The following RBMS3 variants were observed in gnomAD, a reference collection of about 807,000 sequenced individuals.
RBMS3 encodes the protein RNA-binding motif, single-stranded-interacting protein 3.
In RBMS3, 27 loss-of-function variants were observed where a neutral mutation model predicts 66.8. The ratio of observed to expected loss-of-function variants is 0.40; its 90% CI spans 0.30 to 0.56. The LOEUF (loss-of-function observed/expected upper bound fraction) is 0.56. RBMS3 is among the 20% of genes least tolerant of loss of function. The probability of loss-of-function intolerance (pLI) is 0.40; values close to 1 mark genes in which losing one functional copy is unlikely to be tolerated. For missense variants in RBMS3, 513 were observed against 549.5 expected (o/e 0.93, Z 0.66); for synonymous variants, 188 against 183.0 (o/e 1.03, Z -0.22).
chr3:29,557,209 A>C (rs2046396390), intron 3 of RBMS3, among the ~76,000 whole-genome samples: 1 of 152,214 alleles, frequency 6.6e-6, no homozygotes, highest in Non-Finnish European at 1.5e-5. Flanking sequence ...TGAGTTAATA[A>C]ATCTTTTAAG....
intron 4 of RBMS3, among the ~76,000 whole-genome samples, chr3:29,598,466 G>A (rs1196833389): frequency 6.6e-6 from 1 of 152,010 alleles, no homozygotes; most frequent in East Asian, 1.9e-4. Context: ...CAATCTTAGA[G>A]CAAAATTGAG....
chr3:29,428,479 A>G (rs973452202), intron 1 of RBMS3, among the ~76,000 whole-genome samples: 4 of 152,018 alleles, frequency 2.6e-5, no homozygotes, highest in African/African-American at 9.7e-5. Context: ...TTCATCAAAT[A>G]TAGTTTGATA....
chr3:29,358,449 C>G (rs1253319772), intron 1 of RBMS3, among the ~76,000 whole-genome samples: 2 of 152,118 alleles, frequency 1.3e-5, no homozygotes, highest in Non-Finnish European at 2.9e-5. Context: ...GTTACTGTAA[C>G]CTCGTAGTAT....
intron 10 of RBMS3, among the ~76,000 whole-genome samples, chr3:29,919,147 G>A (rs1425345076): frequency 6.6e-6 from 1 of 152,002 alleles, no homozygotes; most frequent in African/African-American, 2.4e-5. Context: ...TTTATGTAAT[G>A]GCATTGAGAA....
At chr3:29,376,496 T>C (rs1250175256) in intron 1 of RBMS3, among the ~76,000 whole-genome samples, 1 of 152,062 alleles carries the variant, frequency 6.6e-6, no homozygotes, top group Non-Finnish European at 1.5e-5. Flanking sequence ...GTGGGCCGGG[T>C]GCGGTGGTTC....
rs189507602 is a variant in RBMS3, at chr3:29,873,729, T to C, written c.744+4765T>C. Among the ~76,000 whole-genome samples, 18 of 152,318 alleles carry C rather than the reference T, an allele frequency of 1.2e-4. 1 individual carries two copies. Among genetic ancestry groups the C allele is most frequent in the African/African-American group, 4.3e-4 (18 of 41,578 alleles). On this transcript the variant is annotated intron_variant, in intron 7 of 14. Transcript: ENST00000383767. ...TATGATGTTGACTATGGGTTTTTCA[T>C]AAATGGCTCTTATTATTTTGAGCTA...
chr3:29,318,261 T>C (rs1399230164), intron 1 of RBMS3, among the ~76,000 whole-genome samples: 1 of 151,898 alleles, frequency 6.6e-6, no homozygotes, highest in East Asian at 1.9e-4. Flanking sequence ...GGTTTACTTC[T>C]TCTTAGGTTT....
intron 4 of RBMS3, among the ~76,000 whole-genome samples, chr3:29,651,213 A>T (rs1473494573): frequency 6.6e-6 from 1 of 152,126 alleles, no homozygotes; most frequent in African/African-American, 2.4e-5. Context: ...CTTGCATAGG[A>T]CTCTACCTGC....
chr3:29,475,245 T>C (rs2042902744), intron 2 of RBMS3, among the ~76,000 whole-genome samples: 1 of 151,748 alleles, frequency 6.6e-6, no homozygotes. Flanking sequence ...AAGTTTCTTT[T>C]CTTTTCTTTT....
At chr3:30,003,108 T>G (rs1431362790) in intron 14 of RBMS3, among the ~76,000 whole-genome samples, 1 of 152,064 alleles carries the variant, frequency 6.6e-6, no homozygotes, top group East Asian at 1.9e-4. Context: ...ATAGCACCAC[T>G]CTGAAGTTAT....
intron 11 of RBMS3, among the ~76,000 whole-genome samples, chr3:29,939,571 T>C (rs1380018289): frequency 1.3e-5 from 2 of 151,866 alleles, no homozygotes; most frequent in Non-Finnish European, 2.9e-5. Context: ...GATTTGAAAT[T>C]TCTCCATATT....
chr3:29,935,623 CT>C (rs1350585057), intron 10 of RBMS3, among the ~76,000 whole-genome samples: 2 of 152,086 alleles, frequency 1.3e-5, no homozygotes, highest in Admixed American at 6.6e-5. Context: ...AGCATTATCC[CT>C]CTTAGTGGTA....
At chr3:29,639,174 GC>G (rs760012610) in intron 4 of RBMS3, among the ~76,000 whole-genome samples, 33 of 151,754 alleles carry the variant, frequency 2.2e-4, no homozygotes, top group Non-Finnish European at 4.0e-4. Context: ...GAATTTCCAA[GC>G]GATTTAACTT....
At chr3:29,397,984 G>A (rs1311271926) in intron 1 of RBMS3, among the ~76,000 whole-genome samples, 1 of 152,182 alleles carries the variant, frequency 6.6e-6, no homozygotes, top group Non-Finnish European at 1.5e-5. Context: ...GATAAGGAAG[G>A]ATATGAAAGA....
chr3:29,725,543 C>T (rs753952724), intron 4 of RBMS3, among the ~76,000 whole-genome samples: 5 of 151,952 alleles, frequency 3.3e-5, no homozygotes, highest in Admixed American at 6.6e-5. Context: ...GGGATATCAC[C>T]ACTGATCCCA....
intron 1 of RBMS3, among the ~76,000 whole-genome samples, chr3:29,336,760 A>G (rs2035977868): frequency 6.6e-6 from 1 of 152,126 alleles, no homozygotes; most frequent in Admixed American, 6.6e-5. Flanking sequence ...GCAAATTGTC[A>G]AAGGTAAATT....
At chr3:29,877,020 C>A (rs541062980) in intron 7 of RBMS3, among the ~76,000 whole-genome samples, 7 of 152,172 alleles carry the variant, frequency 4.6e-5, no homozygotes, top group Admixed American at 1.3e-4. Context: ...AGGTTTTGAG[C>A]AAATATAGGA....
chr3:29,884,471 C>CT (rs1553692504), intron 8 of RBMS3, among the ~76,000 whole-genome samples: 1,366 of 38,818 alleles, frequency 0.035, 137 homozygotes, highest in African/African-American at 0.051. Context: ...TCTCTCTCTC[C>CT]CCCCCCGCTC....
intron 14 of RBMS3, among the ~76,000 whole-genome samples, chr3:30,002,153 T>G (rs976503192): frequency 3.3e-5 from 5 of 152,032 alleles, no homozygotes; most frequent in Admixed American, 3.3e-4. Context: ...TGTACAGTTA[T>G]AAAACCTAAA....
Sources: gnomAD v4.1 joint callset for allele counts (sites outside exome capture counted in the v4.1 genomes callset) on GRCh38, gnomAD v4.1.1 for gene constraint, MANE v1.5 for transcripts, NCBI Gene and HGNC (gene_info 2026-07-23, HGNC 2026-07-21) for gene names.